Variants in RAB42 observed in about 807,000 individuals in gnomAD.
RAB42 encodes the protein RAB42, member RAS oncogene family.
A neutral mutation model predicts 7.5 loss-of-function variants in RAB42; 4 were observed. The ratio of observed to expected loss-of-function variants is 0.53; its 90% CI spans 0.26 to 1.22. RAB42 has a LOEUF of 1.22. Among genes scored for constraint, RAB42 ranks in the 50% most tolerant of loss-of-function variants. The pLI is 0.13. For missense variants in RAB42, 208 were observed against 281.2 expected (o/e 0.74, Z 1.86); for synonymous variants, 82 against 129.0 (o/e 0.64, Z 2.47).
downstream of RAB42, among the ~76,000 whole-genome samples, chr1:28,596,585 G>A (rs952310774): frequency 2.0e-5 from 3 of 152,178 alleles, no homozygotes; most frequent in East Asian, 3.8e-4. Context: ...CCGTGCCACC[G>A]CACTCCAGCC....
At position 28,594,190 on chromosome 1, in the gene RAB42, C is replaced by T. The variant is rs987635200; in HGVS notation, c.*73C>T. The T allele has an allele frequency of 2.9e-6, 4 of 1,356,224 alleles. No homozygotes were observed. The African/African-American group carries it at 5.9e-5, about 20-fold the overall frequency. 84.0% of individuals were successfully genotyped at this position (1,356,224 alleles called of 1,614,324 possible). A position where few individuals can be genotyped will look rare whatever the true frequency, so the allele number is the denominator to read the frequency against. On this transcript the variant is annotated 3_prime_UTR_variant, in exon 2 of 2. Coordinates refer to ENST00000465518, the MANE Select transcript of RAB42 (RefSeq NM_001193532.3). ...TGGGATGGGGAGTGTTAATATCTCT[C>T]TGGAGGACAAATGACAGAAGGGTTC...
At position 28,594,392 on chromosome 1, in the gene RAB42, T is replaced by A. The variant is rs1666394011; in HGVS notation, c.*275T>A. ...GGGTTCGAGACCAGCCTGGCCAACA[T>A]GGTGAAACCCTGTCTCTACTAAAAA... is the stretch of plus-strand genomic sequence containing the variant. On this transcript the variant is annotated 3_prime_UTR_variant, in exon 2 of 2. Transcript: ENST00000465518. The A allele has an allele frequency of 5.5e-6, 2 of 364,478 alleles. No individual in the cohort carries two copies. Among genetic ancestry groups the A allele is most frequent in the Admixed American group, 8.8e-5 (2 of 22,836 alleles). The allele number at this position is 364,478 out of a possible 1,614,324, so 22.6% of individuals were successfully genotyped here.
rs1003056118 is a variant in RAB42 at position 28,592,441 on chromosome 1, G to A, written c.-71G>A. ...CGGGGAGCGGGGGGCGGCGCCGGCG[G>A]GGCCCCGGGCAGGGGCGGGGTCGGG... On this transcript the variant is annotated 5_prime_UTR_variant, in exon 1 of 2. Coordinates refer to ENST00000465518, the MANE Select transcript of RAB42 (RefSeq NM_001193532.3). The surrounding 1 kb of genome is among the most constrained non-coding windows in gnomAD (Gnocchi z 4.1). 1 of 784,980 alleles carries A rather than the reference G, an allele frequency of 1.3e-6. No homozygotes were observed. Among genetic ancestry groups the A allele is most frequent in the Non-Finnish European group, 1.6e-6 (1 of 612,268 alleles). 48.6% of individuals were successfully genotyped at this position (784,980 alleles called of 1,614,324 possible).
At position 28,592,430 on chromosome 1, in the gene RAB42, C is replaced by A; in HGVS notation, c.-82C>A. The A allele has an allele frequency of 3.3e-6, 2 of 614,242 alleles. No individual in the cohort carries two copies. Among genetic ancestry groups the A allele is most frequent in the Non-Finnish European group, 4.3e-6 (2 of 464,502 alleles). 38.0% of individuals were successfully genotyped at this position (614,242 alleles called of 1,614,324 possible). Reference sequence around the variant, plus strand: ...GTGGCTGGGCGCGGGGAGCGGGGGGCGGCGCCGGCGGGGCCCCGGGCAGGG... The same window carrying A: ...GTGGCTGGGCGCGGGGAGCGGGGGGAGGCGCCGGCGGGGCCCCGGGCAGGG... On this transcript the variant is annotated 5_prime_UTR_variant, in exon 1 of 2. Transcript: ENST00000465518. The surrounding 1 kb of genome is among the most constrained non-coding windows in gnomAD (Gnocchi z 4.1).
chr1:28,596,419 G>A (rs556417174), downstream of RAB42, among the ~76,000 whole-genome samples: 73 of 152,104 alleles, frequency 4.8e-4, 1 homozygote, highest in South Asian at 0.013. Flanking sequence ...TCAGGAGTTC[G>A]AGACCAGCCT....
At chr1:28,593,519 A>G (rs1666366143) in intron 1 of RAB42, among the ~76,000 whole-genome samples, 175 bp from the exon 2 acceptor site, 1 of 152,070 alleles carries the variant, frequency 6.6e-6, no homozygotes, top group South Asian at 2.1e-4. Context: ...GCCAGCACCC[A>G]GACTGTTAGG....
intron 1 of RAB42, 68 bp from the exon 2 acceptor site, chr1:28,593,626 T>G: frequency 6.9e-7 from 1 of 1,453,850 alleles, no homozygotes; most frequent in Non-Finnish European, 9.1e-7. Context: ...GAGGAGGTCC[T>G]GCCTCTGGGG....
Position 28,592,780 on chromosome 1 carries a change from G to C in RAB42, c.233+36G>C, listed in dbSNP as rs547824020. 825 of 1,062,372 alleles carry C rather than the reference G, an allele frequency of 7.8e-4. 25 individuals carry two copies. The South Asian group carries it at 0.035, about 45-fold the overall frequency. 65.8% of individuals were successfully genotyped at this position (1,062,372 alleles called of 1,614,324 possible). A position where few individuals can be genotyped will look rare whatever the true frequency, so the allele number is the denominator to read the frequency against. On this transcript the variant is annotated intron_variant, in intron 1 of 1. Transcript: ENST00000465518. This position sits in a 1 kb window ranked among gnomAD's most constrained non-coding sequence, Gnocchi z 4.1. ...CCGGGGCGCGGGAGGGACTTCTGGT[G>C]GGGGGCTCGGTGAGCGTGCTTTAGG...
Position 28,592,635 on chromosome 1 carries a change from G to T in RAB42, c.124G>T (p.Glu42Ter), listed in dbSNP as rs1451951999. ...GCCTGGCGCCCCGGAGCCGGAGCCC[G>T]AGCCCGAGCCCACGGTGGGCGCCGA... ...GAPGAPEPEP[E>*]PEPTVGAECY... Residue 42 changes from glutamate (E) to a stop codon, truncating the protein, a stop_gained, in exon 1 of 2, where the codon GAG becomes TAG. Transcript: ENST00000465518. LOFTEE classifies it high-confidence loss of function. The surrounding 1 kb of genome is among the most constrained non-coding windows in gnomAD (Gnocchi z 4.1). 3.3e-6 allele frequency: 4 copies of T among 1,225,124 alleles called. No homozygotes were observed. Among genetic ancestry groups the T allele is most frequent in the Non-Finnish European group, 3.0e-6 (3 of 983,684 alleles). 75.9% of individuals were successfully genotyped at this position (1,225,124 alleles called of 1,614,324 possible).
In RAB42 at chr1:28,592,963, T is replaced by A. The variant is rs1666352224; in HGVS notation, c.233+219T>A. On this transcript the variant is annotated intron_variant, in intron 1 of 1. Coordinates refer to ENST00000465518, the MANE Select transcript of RAB42 (RefSeq NM_001193532.3). The surrounding 1 kb of genome is among the most constrained non-coding windows in gnomAD (Gnocchi z 4.1). Reference sequence around the variant, plus strand: ...GGTCGAGTCCCAGAGACCAGGAACATCCCTGGCTTTGAGCTCTGGACTCTG... The same window carrying A: ...GGTCGAGTCCCAGAGACCAGGAACAACCCTGGCTTTGAGCTCTGGACTCTG... Among the ~76,000 whole-genome samples the A allele has an allele frequency of 6.6e-6, 1 of 152,052 alleles. No individual in the cohort carries two copies. Among genetic ancestry groups the A allele is most frequent in the Non-Finnish European group, 1.5e-5 (1 of 67,990 alleles).
chr1:28,592,440 G>T lies in RAB42; in HGVS notation c.-72G>T, dbSNP rs1666331943. 2.6e-6 allele frequency: 2 copies of T among 767,628 alleles called. No homozygotes were observed. The highest frequency in any genetic ancestry group is 1.9e-5 in the African/African-American group (1 of 53,460). 47.6% of individuals were successfully genotyped at this position (767,628 alleles called of 1,614,324 possible). A position where few individuals can be genotyped will look rare whatever the true frequency, so the allele number is the denominator to read the frequency against. On this transcript the variant is annotated 5_prime_UTR_variant, in exon 1 of 2. Coordinates refer to ENST00000465518, the MANE Select transcript of RAB42 (RefSeq NM_001193532.3). The surrounding 1 kb of genome is among the most constrained non-coding windows in gnomAD (Gnocchi z 4.1). Reference sequence around the variant, plus strand: ...GCGGGGAGCGGGGGGCGGCGCCGGCGGGGCCCCGGGCAGGGGCGGGGTCGG... The same window carrying T: ...GCGGGGAGCGGGGGGCGGCGCCGGCTGGGCCCCGGGCAGGGGCGGGGTCGG...
At position 28,594,745 on chromosome 1, in the gene RAB42, C is replaced by A. The variant is rs545345630; in HGVS notation, c.*628C>A. ...CAGGATGTGCTCACCCAGAGCCTGCCGCGCTGTGAATTGAATGACAAAAGC... is the reference window on the plus strand; with the variant it reads ...CAGGATGTGCTCACCCAGAGCCTGCAGCGCTGTGAATTGAATGACAAAAGC... On this transcript the variant is annotated 3_prime_UTR_variant, in exon 2 of 2. Transcript: ENST00000465518. 6.0e-6 allele frequency: 1 copy of A among 167,142 alleles called. No individual in the cohort carries two copies. Among genetic ancestry groups the A allele is most frequent in the South Asian group, 2.1e-4 (1 of 4,818 alleles). The allele number at this position is 167,142 out of a possible 1,614,324, so 10.4% of individuals were successfully genotyped here.
chr1:28,593,463 C>T (rs564515220), intron 1 of RAB42, among the ~76,000 whole-genome samples: 1 of 152,200 alleles, frequency 6.6e-6, no homozygotes, highest in South Asian at 2.1e-4. Flanking sequence ...CCACCCGCCT[C>T]GGCCTCCCAA....
intron 1 of RAB42, among the ~76,000 whole-genome samples, chr1:28,593,209 C>CTT: frequency 6.9e-6 from 1 of 145,562 alleles, no homozygotes; most frequent in African/African-American, 2.5e-5. Flanking sequence ...TTTTTCTTTT[C>CTT]TTTTTTTTTT....
At chr1:28,595,591 TATC>T (rs1302746576), downstream of RAB42, 1 of 152,546 alleles carries the variant, frequency 6.6e-6, no homozygotes, top group African/African-American at 2.4e-5. Flanking sequence ...GCTTAGTGGG[TATC>T]ATTGTGCTGT....
In RAB42 at chr1:28,592,781, G is replaced by A. The variant is rs1666347531; in HGVS notation, c.233+37G>A. ...CGGGGCGCGGGAGGGACTTCTGGTGGGGGGCTCGGTGAGCGTGCTTTAGGC... is the reference window on the plus strand; with the variant it reads ...CGGGGCGCGGGAGGGACTTCTGGTGAGGGGCTCGGTGAGCGTGCTTTAGGC... On this transcript the variant is annotated intron_variant, in intron 1 of 1. Coordinates refer to ENST00000465518, the MANE Select transcript of RAB42 (RefSeq NM_001193532.3). The surrounding 1 kb of genome is among the most constrained non-coding windows in gnomAD (Gnocchi z 4.1). 9.4e-7 allele frequency: 1 copy of A among 1,063,436 alleles called. No homozygotes were observed. The highest frequency in any genetic ancestry group is 1.2e-6 in the Non-Finnish European group (1 of 834,868). The allele number at this position is 1,063,436 out of a possible 1,614,324, so 65.9% of individuals were successfully genotyped here.
At position 28,595,035 on chromosome 1, in the gene RAB42, G is replaced by A. The variant is rs1211140062; in HGVS notation, c.*918G>A. 6.0e-6 allele frequency: 1 copy of A among 167,172 alleles called. No homozygotes were observed. The allele number at this position is 167,172 out of a possible 1,614,324, so 10.4% of individuals were successfully genotyped here. On this transcript the variant is annotated 3_prime_UTR_variant, in exon 2 of 2. Coordinates refer to ENST00000465518, the MANE Select transcript of RAB42 (RefSeq NM_001193532.3). ...CAGGGGCTGAAAAATGGATGTTGGAGGCTGGGATGAACATGAATGTGTAGC... is the reference window on the plus strand; with the variant it reads ...CAGGGGCTGAAAAATGGATGTTGGAAGCTGGGATGAACATGAATGTGTAGC...
chr1:28,592,462 TCGGGGCGCGGACAAAACCGCCG>T lies in RAB42; in HGVS notation c.-42_-21del. 1 of 1,002,022 alleles carries T rather than the reference TCGGGGCGCGGACAAAACCGCCG, an allele frequency of 1.0e-6. No individual in the cohort carries two copies. The highest frequency in any genetic ancestry group is 1.3e-6 in the Non-Finnish European group (1 of 799,298). The allele number at this position is 1,002,022 out of a possible 1,614,324, so 62.1% of individuals were successfully genotyped here. A position where few individuals can be genotyped will look rare whatever the true frequency, so the allele number is the denominator to read the frequency against. ...GGCGGGGCCCCGGGCAGGGGCGGGG[TCGGGGCGCGGACAAAACCGCCG>T]CGGGGCGGCGGGGTGGCGGACGCGG... On this transcript the variant is annotated 5_prime_UTR_variant, in exon 1 of 2. Coordinates refer to ENST00000465518, the MANE Select transcript of RAB42 (RefSeq NM_001193532.3). This position sits in a 1 kb window ranked among gnomAD's most constrained non-coding sequence, Gnocchi z 4.1.
chr1:28,594,220 A>G lies in RAB42; in HGVS notation c.*103A>G. On this transcript the variant is annotated 3_prime_UTR_variant, in exon 2 of 2. Coordinates refer to ENST00000465518, the MANE Select transcript of RAB42 (RefSeq NM_001193532.3). ...GGACAAATGACAGAAGGGTTCATAT[A>G]AACAGTATCCTGACACAGTCATGCT... 8.8e-7 allele frequency: 1 copy of G among 1,142,626 alleles called. No homozygotes were observed. Among genetic ancestry groups the G allele is most frequent in the African/African-American group, 1.6e-5 (1 of 63,934 alleles). The allele number at this position is 1,142,626 out of a possible 1,614,324, so 70.8% of individuals were successfully genotyped here.
Sources: allele counts gnomAD v4.1 joint callset (sites outside exome capture counted in the v4.1 genomes callset), GRCh38; gene constraint gnomAD v4.1.1; non-coding constraint Gnocchi (gnomAD v3.1); transcripts MANE v1.5; gene names NCBI Gene and HGNC (gene_info 2026-07-23, HGNC 2026-07-21).